Variants in RYR2 observed in about 807,000 individuals in gnomAD.
The protein encoded by RYR2 is cardiac muscle ryanodine receptor-calcium release channel.
A neutral mutation model predicts 601.1 loss-of-function variants in RYR2; 227 were observed. The observed-to-expected ratio is 0.38, with a 90% CI of 0.34 to 0.42. The LOEUF (loss-of-function observed/expected upper bound fraction) is 0.42. RYR2 is among the 10% of genes least tolerant of loss of function. RYR2 has a pLI of 1.00. For missense variants in RYR2, 4,646 were observed against 6,156.5 expected (o/e 0.75, Z 8.21); for synonymous variants, 2,223 against 2,175.1 (o/e 1.02, Z -0.61).
At chr1:237,085,766 T>C (rs1357633066) in intron 1 of RYR2, among the ~76,000 whole-genome samples, 1 of 152,184 alleles carries the variant, frequency 6.6e-6, no homozygotes, top group Non-Finnish European at 1.5e-5. Flanking sequence ...GACTTTTTTT[T>C]TGAGAGGAGG....
rs193211381 is a variant in RYR2, at chr1:237,286,334, G to A, written c.168+15718G>A. On this transcript the variant is annotated intron_variant, in intron 2 of 104. Transcript: ENST00000366574. Reference sequence around the variant, plus strand: ...TCCATGTATTTGCATGGTTTTGAAGGTTCCTTTTGGAGTTGATTTCCAGTT... The same window carrying A: ...TCCATGTATTTGCATGGTTTTGAAGATTCCTTTTGGAGTTGATTTCCAGTT... Among the ~76,000 whole-genome samples, 665 of 151,916 alleles carry A rather than the reference G, an allele frequency of 4.4e-3. 4 individuals are homozygous for A. The highest frequency in any genetic ancestry group is 7.3e-3 in the Non-Finnish European group (499 of 67,944).
At chr1:237,351,993 T>C (rs181301350) in intron 3 of RYR2, among the ~76,000 whole-genome samples, 13 of 151,916 alleles carry the variant, frequency 8.6e-5, no homozygotes, top group Admixed American at 3.3e-4. Flanking sequence ...TACAACCAAG[T>C]TGGGATTCAA....
At chr1:237,236,106 A>C (rs1041732079) in intron 1 of RYR2, among the ~76,000 whole-genome samples, 4 of 152,194 alleles carry the variant, frequency 2.6e-5, no homozygotes, top group African/African-American at 9.6e-5. Flanking sequence ...AATACCAAAA[A>C]ACCTCACTTA....
intron 29 of RYR2, among the ~76,000 whole-genome samples, chr1:237,578,715 G>A (rs535493111): frequency 1.3e-5 from 1 of 76,970 alleles, no homozygotes; most frequent in South Asian, 4.1e-4. Context: ...GTTTTGATAA[G>A]GTGGTGGGAG....
At chr1:237,307,887 T>C (rs543628467) in intron 2 of RYR2, among the ~76,000 whole-genome samples, 1 of 152,192 alleles carries the variant, frequency 6.6e-6, no homozygotes, top group African/African-American at 2.4e-5. Context: ...TTGCATAATA[T>C]TATCAGAGGC....
At chr1:237,630,324 A>G (rs1680113887) in intron 41 of RYR2, among the ~76,000 whole-genome samples, 1 of 152,180 alleles carries the variant, frequency 6.6e-6, no homozygotes, top group Admixed American at 6.5e-5. Flanking sequence ...AATTAATGAG[A>G]CAATAAAAAG....
intron 10 of RYR2, among the ~76,000 whole-genome samples, chr1:237,416,039 G>A (rs974395601): frequency 2.0e-5 from 3 of 152,164 alleles, no homozygotes; most frequent in Non-Finnish European, 2.9e-5. Context: ...AACAGGTAGG[G>A]AACGGCAGGT....
intron 56 of RYR2, among the ~76,000 whole-genome samples, chr1:237,664,289 A>G (rs1216726622): frequency 6.6e-6 from 1 of 152,204 alleles, no homozygotes; most frequent in Non-Finnish European, 1.5e-5. Flanking sequence ...CTTATTGAGC[A>G]CCTATTATGT....
chr1:237,529,443 A>C (rs181420411), intron 24 of RYR2, among the ~76,000 whole-genome samples: 1 of 152,130 alleles, frequency 6.6e-6, no homozygotes, highest in Non-Finnish European at 1.5e-5. Flanking sequence ...TAAATGGTTA[A>C]GCTTATACAT....
intron 24 of RYR2, among the ~76,000 whole-genome samples, chr1:237,512,090 G>C (rs1201217155): frequency 1.3e-5 from 2 of 152,186 alleles, no homozygotes; most frequent in Non-Finnish European, 2.9e-5. Flanking sequence ...CAGGTCCACA[G>C]AATGTGGGCT....
chr1:237,296,509 A>G (rs942558025), intron 2 of RYR2, among the ~76,000 whole-genome samples: 1 of 152,152 alleles, frequency 6.6e-6, no homozygotes, highest in African/African-American at 2.4e-5. Flanking sequence ...ATTTGAGGAC[A>G]TTGTTGAGAT....
At chr1:237,230,927 C>A (rs867191811) in intron 1 of RYR2, among the ~76,000 whole-genome samples, 214 of 105,778 alleles carry the variant, frequency 2.0e-3, no homozygotes, top group South Asian at 4.0e-3. Flanking sequence ...AGACTCGTCT[C>A]AAAAAAAAAA....
chr1:237,722,592 C>T (rs1689834763), intron 73 of RYR2, among the ~76,000 whole-genome samples: 2 of 151,918 alleles, frequency 1.3e-5, no homozygotes, highest in African/African-American at 4.8e-5. Flanking sequence ...CGCCACCACG[C>T]CTGGCTAATT....
intron 29 of RYR2, among the ~76,000 whole-genome samples, chr1:237,582,411 G>C (rs1674019439): frequency 6.8e-6 from 1 of 147,708 alleles, no homozygotes; most frequent in Non-Finnish European, 1.5e-5. Context: ...TGCCTGGCTA[G>C]CATTCTTTAA....
chr1:237,757,766 C>A lies in RYR2; in HGVS notation c.11315C>A (p.Thr3772Lys). Residue 3772 changes from threonine (T) to lysine (K), a missense_variant, in exon 82 of 105, where the codon ACA (threonine) becomes AAA (lysine). By Grantham distance (78) the Thr-to-Lys change is moderately conservative. Around this residue, in one of 17 missense-constraint regions of RYR2, gnomAD observed 1,497 missense variants for 1,842.6 expected, o/e 0.81. Transcript: ENST00000366574. ...GIAILNGGNS[T>K]VQQKMLDYLK... Reference sequence around the variant, plus strand: ...GCTATTTTAAATGGTGGGAACTCCACAGTACAGCAGGTAACAGCTTCCAGT... The same window carrying A: ...GCTATTTTAAATGGTGGGAACTCCAAAGTACAGCAGGTAACAGCTTCCAGT... 1 of 1,601,218 alleles carries A rather than the reference C, an allele frequency of 6.2e-7. No homozygotes were observed. Among genetic ancestry groups the A allele is most frequent in the Non-Finnish European group, 8.6e-7 (1 of 1,168,422 alleles).
chr1:237,167,599 A>G (rs1206725239), intron 1 of RYR2, among the ~76,000 whole-genome samples: 1 of 151,912 alleles, frequency 6.6e-6, no homozygotes, highest in African/African-American at 2.4e-5. Flanking sequence ...GAATAAATAT[A>G]GTTCTTTAAA....
intron 1 of RYR2, among the ~76,000 whole-genome samples, chr1:237,156,084 G>A (rs1675298731): frequency 6.6e-6 from 1 of 152,140 alleles, no homozygotes; most frequent in East Asian, 1.9e-4. Context: ...ACCTGCCCTG[G>A]TCCTTCAATC....
chr1:237,608,398 T>C (rs935290000), intron 35 of RYR2, among the ~76,000 whole-genome samples: 7 of 152,090 alleles, frequency 4.6e-5, no homozygotes, highest in African/African-American at 1.4e-4. Context: ...GCCAGAAGAA[T>C]TTAAGCAAAA....
chr1:237,781,350 G>A (rs1425060168), intron 88 of RYR2, among the ~76,000 whole-genome samples: 1 of 152,228 alleles, frequency 6.6e-6, no homozygotes, highest in Non-Finnish European at 1.5e-5. Context: ...ACTGCGCCCG[G>A]CCTACAAATA....
Sources: allele counts gnomAD v4.1 joint callset (sites outside exome capture counted in the v4.1 genomes callset), GRCh38; gene constraint gnomAD v4.1.1; regional missense constraint gnomAD v4.1.1; transcripts MANE v1.5; gene names NCBI Gene and HGNC (gene_info 2026-07-23, HGNC 2026-07-21).